Variants in RAB3C observed in about 807,000 individuals in gnomAD.
RAB3C encodes RAB3C, member RAS oncogene family, also known as ras-related protein Rab-3C.
In RAB3C, 17 loss-of-function variants were observed where a neutral mutation model predicts 26.4. That is an observed-to-expected ratio of 0.64 (90% CI 0.44 to 0.97). The LOEUF is 0.97. Ranked by LOEUF, RAB3C falls within the 50% of genes least tolerant of loss-of-function variation. RAB3C has a pLI of 0.00. For synonymous variants in RAB3C, 91 were observed against 95.9 expected (o/e 0.95, Z 0.30); for missense variants, 242 against 281.9 (o/e 0.86, Z 1.01).
intron 2 of RAB3C, among the ~76,000 whole-genome samples, chr5:58,680,080 T>C (rs1425819327): frequency 2.6e-5 from 4 of 152,192 alleles, no homozygotes; most frequent in Non-Finnish European, 4.4e-5. Context: ...TGTTAATGAA[T>C]GGTAGTAAGG....
chr5:58,848,402 C>T (rs1561151613), intron 4 of RAB3C: 2 of 152,160 alleles, frequency 1.3e-5, no homozygotes, highest in African/African-American at 4.8e-5. Flanking sequence ...TTAGCCAAAA[C>T]AAAATGGTAG....
intron 2 of RAB3C, among the ~76,000 whole-genome samples, chr5:58,650,817 A>C (rs953460567): frequency 1.1e-4 from 17 of 152,342 alleles, no homozygotes; most frequent in African/African-American, 3.6e-4. Flanking sequence ...TATTTGGTAA[A>C]TAACTTCCAC....
intron 2 of RAB3C, among the ~76,000 whole-genome samples, chr5:58,627,051 C>G (rs1229271448): frequency 6.6e-6 from 1 of 152,052 alleles, no homozygotes; most frequent in Admixed American, 6.6e-5. Flanking sequence ...TTGGAGCCAT[C>G]TATGCATTTA....
At chr5:58,827,610 G>T (rs762301777) in intron 4 of RAB3C, among the ~76,000 whole-genome samples, 1 of 152,200 alleles carries the variant, frequency 6.6e-6, no homozygotes, top group Non-Finnish European at 1.5e-5. Flanking sequence ...ATGTAGCAAA[G>T]TTCCTGAAAT....
chr5:58,715,522 GT>G (rs1293876255), intron 2 of RAB3C, among the ~76,000 whole-genome samples: 1 of 152,066 alleles, frequency 6.6e-6, no homozygotes, highest in Non-Finnish European at 1.5e-5. Flanking sequence ...GAGTTTTGAT[GT>G]TGTGATTAAA....
intron 2 of RAB3C, among the ~76,000 whole-genome samples, chr5:58,694,073 C>T (rs577615843): frequency 1.8e-4 from 27 of 152,260 alleles, no homozygotes; most frequent in Non-Finnish European, 3.5e-4. Flanking sequence ...CTAATGCTAT[C>T]GCTCCCCCAG....
intron 2 of RAB3C, among the ~76,000 whole-genome samples, chr5:58,706,165 A>C (rs1055698911): frequency 1.3e-5 from 2 of 152,134 alleles, no homozygotes; most frequent in Non-Finnish European, 2.9e-5. Flanking sequence ...TTGCTTAGGA[A>C]TAGTTTATGG....
At chr5:58,773,406 G>A (rs1742065280) in intron 3 of RAB3C, among the ~76,000 whole-genome samples, 1 of 152,112 alleles carries the variant, frequency 6.6e-6, no homozygotes, top group Admixed American at 6.6e-5. Context: ...CCCATCATAG[G>A]ACTGCAACTA....
At chr5:58,808,990 T>C (rs966508803) in intron 3 of RAB3C, among the ~76,000 whole-genome samples, 2 of 152,190 alleles carry the variant, frequency 1.3e-5, no homozygotes, top group African/African-American at 4.8e-5. Flanking sequence ...TCCAGTGCAT[T>C]TGCATTAACA....
At chr5:58,666,766 G>C (rs1207972396) in intron 2 of RAB3C, among the ~76,000 whole-genome samples, 6 of 152,178 alleles carry the variant, frequency 3.9e-5, no homozygotes, top group African/African-American at 1.4e-4. Context: ...CGACTTCTCT[G>C]AAGACAGATG....
intron 3 of RAB3C, among the ~76,000 whole-genome samples, chr5:58,790,923 G>A (rs552349647): frequency 6.6e-6 from 1 of 152,144 alleles, no homozygotes; most frequent in African/African-American, 2.4e-5. Flanking sequence ...CTGTCTCGCT[G>A]GATCAGTTTC....
At chr5:58,661,847 G>A (rs716536) in intron 2 of RAB3C, among the ~76,000 whole-genome samples, 2,109 of 149,456 alleles carry the variant, frequency 0.014, 36 homozygotes, top group Non-Finnish European at 0.023. Context: ...GATGGACAGA[G>A]GGGTTAGAGA....
At chr5:58,713,743 AG>A (rs1337708152) in intron 2 of RAB3C, among the ~76,000 whole-genome samples, 3 of 152,334 alleles carry the variant, frequency 2.0e-5, no homozygotes, top group African/African-American at 4.8e-5. Flanking sequence ...TAAATTAAAC[AG>A]GTGCTAGAGG....
At chr5:58,639,160 A>G (rs534298828) in intron 2 of RAB3C, among the ~76,000 whole-genome samples, 1 of 152,218 alleles carries the variant, frequency 6.6e-6, no homozygotes, top group African/African-American at 2.4e-5. Flanking sequence ...CTTTTCAGAT[A>G]ATAGCTGTAC....
At chr5:58,686,313 A>G (rs1579857367) in intron 2 of RAB3C, among the ~76,000 whole-genome samples, 1 of 152,092 alleles carries the variant, frequency 6.6e-6, no homozygotes, top group Non-Finnish European at 1.5e-5. Flanking sequence ...TTGGCTCAGC[A>G]TTTAGATACA....
intron 2 of RAB3C, among the ~76,000 whole-genome samples, chr5:58,651,959 A>T (rs770633113): frequency 3.8e-4 from 56 of 147,440 alleles, no homozygotes; most frequent in Non-Finnish European, 7.9e-4. Flanking sequence ...TTGTATTGTT[A>T]TTTGTATTCT....
chr5:58,702,505 C>T (rs1250195978), intron 2 of RAB3C, among the ~76,000 whole-genome samples: 1 of 152,156 alleles, frequency 6.6e-6, no homozygotes, highest in East Asian at 1.9e-4. Flanking sequence ...TGCACACCTA[C>T]GTCTTGCCAG....
At chr5:58,666,673 T>C (rs539124508) in intron 2 of RAB3C, among the ~76,000 whole-genome samples, 1 of 152,178 alleles carries the variant, frequency 6.6e-6, no homozygotes, top group South Asian at 2.1e-4. Context: ...GTCACACATG[T>C]GGATGAAGTT....
At chr5:58,646,297 A>G (rs1747516914) in intron 2 of RAB3C, among the ~76,000 whole-genome samples, 1 of 152,172 alleles carries the variant, frequency 6.6e-6, no homozygotes, top group African/African-American at 2.4e-5. Flanking sequence ...GCATAAAACA[A>G]TGTATTTATT....
Sources: allele counts gnomAD v4.1 joint callset (sites outside exome capture counted in the v4.1 genomes callset), GRCh38; gene constraint gnomAD v4.1.1; transcripts MANE v1.5; gene names NCBI Gene and HGNC (gene_info 2026-07-23, HGNC 2026-07-21).